PGK1: variants seen among roughly 807,000 people sequenced by gnomAD.
PGK1 encodes the protein PRP 2.
A neutral mutation model predicts 26.9 loss-of-function variants in PGK1; 3 were observed. The observed-to-expected ratio is 0.11, with a 90% CI of 0.05 to 0.29. The LOEUF is 0.29. Among genes scored for constraint, PGK1 ranks in the 10% least tolerant of loss-of-function variants. PGK1 has a pLI of 1.00. For synonymous variants in PGK1, 125 were observed against 115.3 expected (o/e 1.08, Z -0.54); for missense variants, 270 against 314.7 (o/e 0.86, Z 1.07).
Position 78,106,138 on chromosome X carries a change from C to T in PGK1, c.65+1733C>T, listed in dbSNP as rs781848493. On this transcript the variant is annotated intron_variant, in intron 1 of 10. Transcript: ENST00000373316. Reference sequence around the variant, plus strand: ...ATTGGAGGAGCTGCTTAACTTTTCTCCCTCTGGACCTAATAAAGTTTCATT... The same window carrying T: ...ATTGGAGGAGCTGCTTAACTTTTCTTCCTCTGGACCTAATAAAGTTTCATT... 2.7e-5 allele frequency among the ~76,000 whole-genome samples: 3 copies of T among 111,572 alleles called. No individual in the cohort carries two copies. In the East Asian group the frequency reaches 8.4e-4, roughly 31 times the overall value.
chrX:78,120,330 T>TACAC (rs782472219), intron 6 of PGK1, among the ~76,000 whole-genome samples: 1,201 of 106,192 alleles, frequency 0.011, 23 homozygotes, highest in Non-Finnish European at 0.011. Context: ...GTCAGGAATG[T>TACAC]ACACACACAC....
At chrX:78,123,677 C>T (rs1441572567) in intron 8 of PGK1, among the ~76,000 whole-genome samples, 3 of 105,995 alleles carry the variant, frequency 2.8e-5, no homozygotes, top group Admixed American at 1.0e-4. Context: ...GGCATGATCT[C>T]GGCTCACTGC....
chrX:78,104,260 G>T lies in PGK1; in HGVS notation c.-81G>T, dbSNP rs1481897326. 2 of 748,887 alleles carry T rather than the reference G, an allele frequency of 2.7e-6. No homozygotes were observed. Among genetic ancestry groups the T allele is most frequent in the Non-Finnish European group, 4.2e-6 (2 of 480,848 alleles). 61.7% of individuals were successfully genotyped at this position (748,887 alleles called of 1,213,427 possible). On this transcript the variant is annotated 5_prime_UTR_variant, in exon 1 of 11. Transcript: ENST00000373316. ...CTGCCCGCGCGGTGTTCCGCATTCT[G>T]CAAGCCTCCGGAGCGCACGTCGGCA...
chrX:78,127,017 G>A lies in PGK1; in HGVS notation c.*1187G>A, dbSNP rs1004965396. Reference sequence around the variant, plus strand: ...TCCAATTTGTACTTGATGCCCTCTAGGCAGGGTGTACAGCTAGCTGTTGCT... The same window carrying A: ...TCCAATTTGTACTTGATGCCCTCTAAGCAGGGTGTACAGCTAGCTGTTGCT... On this transcript the variant is annotated 3_prime_UTR_variant, in exon 11 of 11. Transcript: ENST00000373316. The A allele has an allele frequency of 8.9e-6, 1 of 112,606 alleles. No homozygotes were observed. Among genetic ancestry groups the A allele is most frequent in the African/African-American group, 3.2e-5 (1 of 30,997 alleles). The allele number at this position is 112,606 out of a possible 1,213,427, so 9.3% of individuals were successfully genotyped here. A position where few individuals can be genotyped will look rare whatever the true frequency, so the allele number is the denominator to read the frequency against.
intron 1 of PGK1, among the ~76,000 whole-genome samples, chrX:78,107,045 A>G (rs781802613): frequency 9.0e-6 from 1 of 111,243 alleles, no homozygotes; most frequent in Non-Finnish European, 1.9e-5. Context: ...GGTTCCTTTG[A>G]GAGTTTTTAA....
rs1427359131 is a variant in PGK1 at position 78,126,094 on chromosome X, G to T, written c.*264G>T. ...TCTAGAGTGCATATATTTATATTTTGCCTGTTAAAAAGAAAGTGAGCAGTG... is the reference window on the plus strand; with the variant it reads ...TCTAGAGTGCATATATTTATATTTTTCCTGTTAAAAAGAAAGTGAGCAGTG... On this transcript the variant is annotated 3_prime_UTR_variant, in exon 11 of 11. Coordinates refer to ENST00000373316, the MANE Select transcript of PGK1 (RefSeq NM_000291.4). The T allele has an allele frequency of 2.3e-5, 9 of 386,235 alleles. No homozygotes were observed. Among genetic ancestry groups the T allele is most frequent in the Non-Finnish European group, 3.2e-5 (7 of 220,309 alleles). The allele number at this position is 386,235 out of a possible 1,213,427, so 31.8% of individuals were successfully genotyped here.
chrX:78,119,054 A>G (rs943772257), intron 6 of PGK1, among the ~76,000 whole-genome samples: 6 of 111,409 alleles, frequency 5.4e-5, no homozygotes, highest in African/African-American at 2.0e-4. Flanking sequence ...TCATTTAGCA[A>G]TTTTGAAGTG....
chrX:78,114,209 A>G, intron 4 of PGK1, 49 bp downstream of exon 4: 1 of 1,121,443 alleles, frequency 8.9e-7, no homozygotes, highest in Non-Finnish European at 1.2e-6. Context: ...CTGAGTCTGT[A>G]AGAGACTGTG....
chrX:78,104,482 G>C, intron 1 of PGK1, 77 bp downstream of exon 1: 1 of 794,027 alleles, frequency 1.3e-6, no homozygotes, highest in Non-Finnish European at 1.9e-6. Context: ...TTGTTCTCTC[G>C]TCTGCTCTAA....
chrX:78,105,389 G>T (rs1557246095), intron 1 of PGK1, among the ~76,000 whole-genome samples: 1 of 112,040 alleles, frequency 8.9e-6, no homozygotes, highest in East Asian at 2.8e-4. Context: ...CAGGATCCAA[G>T]AGTGGTGTTT....
intron 6 of PGK1, among the ~76,000 whole-genome samples, chrX:78,120,441 T>C (rs926762152): frequency 5.4e-5 from 6 of 110,423 alleles, no homozygotes; most frequent in African/African-American, 2.0e-4. Context: ...TGTGTACATA[T>C]ATAGATATTT....
intron 4 of PGK1, among the ~76,000 whole-genome samples, chrX:78,114,579 C>CT (rs1472508971): frequency 2.8e-5 from 2 of 71,283 alleles, no homozygotes; most frequent in Non-Finnish European, 4.4e-5. Context: ...GAAACTAAGT[C>CT]TCAAAAAAAA....
chrX:78,112,108 TCTC>T (rs1294032403), intron 2 of PGK1, among the ~76,000 whole-genome samples: 1 of 111,822 alleles, frequency 8.9e-6, no homozygotes, highest in African/African-American at 3.3e-5. Context: ...TGTCTAAAAA[TCTC>T]CTCTACCATT....
At chrX:78,113,399 G>C (rs1294694562) in intron 2 of PGK1, among the ~76,000 whole-genome samples, 1 of 112,167 alleles carries the variant, frequency 8.9e-6, no homozygotes, top group Non-Finnish European at 1.9e-5. Flanking sequence ...TAGGAAGAGT[G>C]AATAGCCCTT....
At chrX:78,125,538 A>T in intron 10 of PGK1, 113 bp downstream of exon 10, 1 of 571,950 alleles carries the variant, frequency 1.7e-6, no homozygotes, top group Non-Finnish European at 3.0e-6. Context: ...AGCAGTCATT[A>T]CTACCTGGGC....
At chrX:78,106,627 T>C in intron 1 of PGK1, 1 of 753,560 alleles carries the variant, frequency 1.3e-6, no homozygotes, top group Non-Finnish European at 1.6e-6. Context: ...TGCTGACTCT[T>C]CTGGTCCACT....
chrX:78,119,890 G>T (rs925604127), intron 6 of PGK1, among the ~76,000 whole-genome samples: 2 of 112,024 alleles, frequency 1.8e-5, no homozygotes, highest in East Asian at 5.6e-4. Flanking sequence ...TTGCTTTCTA[G>T]GCTTTATGAG....
At chrX:78,113,385 G>C (rs946043163) in intron 2 of PGK1, among the ~76,000 whole-genome samples, 1 of 112,027 alleles carries the variant, frequency 8.9e-6, no homozygotes, top group Non-Finnish European at 1.9e-5. Flanking sequence ...TTGTATAGAC[G>C]GTCTAGGAAG....
intron 8 of PGK1, among the ~76,000 whole-genome samples, chrX:78,124,482 G>T (rs2078372437): frequency 9.0e-6 from 1 of 110,620 alleles, no homozygotes; most frequent in Non-Finnish European, 1.9e-5. Flanking sequence ...CTGTTGAATT[G>T]TAAGGTTGTT....
Sources: allele counts gnomAD v4.1 joint callset (sites outside exome capture counted in the v4.1 genomes callset), GRCh38; gene constraint gnomAD v4.1.1; transcripts MANE v1.5; gene names NCBI Gene and HGNC (gene_info 2026-07-23, HGNC 2026-07-21).